The following MAGI2 variants were observed in gnomAD, a reference collection of about 807,000 sequenced individuals.
MAGI2 encodes the protein membrane-associated guanylate kinase, WW and PDZ domain-containing protein 2.
In MAGI2, 35 loss-of-function variants were observed where a neutral mutation model predicts 133.3. That is an observed-to-expected ratio of 0.26 (90% confidence interval 0.20 to 0.35). MAGI2 has a LOEUF of 0.35. MAGI2 is among the 10% of genes least tolerant of loss of function. The probability of loss-of-function intolerance (pLI) is 1.00; values close to 1 mark genes in which losing one functional copy is unlikely to be tolerated. For missense variants in MAGI2, 1,636 were observed against 1,863.4 expected, an observed-to-expected ratio of 0.88 and a Z score of 2.25; for synonymous variants, 729 against 710.6, an observed-to-expected ratio of 1.03 and a Z score of -0.41.
intron 1 of MAGI2, among the ~76,000 whole-genome samples, chr7:79,081,686 C>A (rs983822285): frequency 9.9e-5 from 15 of 151,976 alleles, no homozygotes; most frequent in African/African-American, 2.9e-4. Context: ...TCAAAATAGT[C>A]GTTTAGGGTG....
chr7:78,151,294 G>A (rs1168468124), intron 16 of MAGI2, among the ~76,000 whole-genome samples: 1 of 152,050 alleles, frequency 6.6e-6, no homozygotes, highest in Admixed American at 6.6e-5. Context: ...GAAATGGGTT[G>A]CTTTGTTAAT....
chr7:78,497,623 G>T (rs1306826408), intron 5 of MAGI2, among the ~76,000 whole-genome samples: 1 of 152,140 alleles, frequency 6.6e-6, no homozygotes, highest in Admixed American at 6.6e-5. Context: ...GGAATTGCTT[G>T]TTACCTTAAC....
At chr7:78,761,921 G>A (rs1824552235) in intron 2 of MAGI2, among the ~76,000 whole-genome samples, 1 of 152,108 alleles carries the variant, frequency 6.6e-6, no homozygotes, top group Admixed American at 6.5e-5. Flanking sequence ...TGGCTGGAGT[G>A]TGAAGGGGCA....
intron 10 of MAGI2, among the ~76,000 whole-genome samples, chr7:78,243,502 T>C (rs1791413872): frequency 6.6e-6 from 1 of 152,336 alleles, no homozygotes; most frequent in Non-Finnish European, 1.5e-5. Context: ...TTTTCTCTAT[T>C]ATGCTTTTTA....
intron 1 of MAGI2, chr7:79,177,018 C>T (rs1356349975): frequency 6.6e-6 from 1 of 151,982 alleles, no homozygotes; most frequent in Admixed American, 6.6e-5. Flanking sequence ...GCGATTGAAA[C>T]TTACTAACCC....
intron 6 of MAGI2, among the ~76,000 whole-genome samples, chr7:78,397,366 T>TACACACACAC (rs71085528): frequency 0.035 from 5,217 of 147,764 alleles, 170 homozygotes; most frequent in African/African-American, 0.077. Flanking sequence ...TTGAAATTCC[T>TACACACACAC]ACACACACAC....
intron 5 of MAGI2, among the ~76,000 whole-genome samples, chr7:78,501,051 G>A (rs192524965): frequency 1.4e-4 from 22 of 152,348 alleles, no homozygotes; most frequent in Admixed American, 2.6e-4. Flanking sequence ...TTGTGCCACT[G>A]CATTCTAGCC....
At chr7:79,252,677 A>G (rs570738480) in intron 1 of MAGI2, among the ~76,000 whole-genome samples, 1 of 152,320 alleles carries the variant, frequency 6.6e-6, no homozygotes, top group East Asian at 1.9e-4. Context: ...TTCATGTACT[A>G]TTACACGTTG....
At chr7:78,516,915 C>T (rs568822307) in intron 4 of MAGI2, among the ~76,000 whole-genome samples, 18 of 152,284 alleles carry the variant, frequency 1.2e-4, no homozygotes, top group Middle Eastern at 3.4e-3. Context: ...AGTAGAATTA[C>T]AGAAATCAGG....
At chr7:79,273,685 A>C (rs1258912302) in intron 1 of MAGI2, among the ~76,000 whole-genome samples, 6 of 150,150 alleles carry the variant, frequency 4.0e-5, no homozygotes, top group African/African-American at 1.2e-4. Flanking sequence ...TTTCTGCTTT[A>C]TGGAAGAAAA....
At chr7:78,339,889 T>G (rs879564693) in intron 9 of MAGI2, among the ~76,000 whole-genome samples, 1 of 152,190 alleles carries the variant, frequency 6.6e-6, no homozygotes, top group African/African-American at 2.4e-5. Flanking sequence ...ATATGCATTA[T>G]TACTCACAAA....
chr7:79,260,298 G>A (rs768565239), intron 1 of MAGI2, among the ~76,000 whole-genome samples: 48 of 152,138 alleles, frequency 3.2e-4, no homozygotes, highest in Non-Finnish European at 5.6e-4. Context: ...TGAGGCTGCA[G>A]TGAGCTGAGA....
Position 78,439,570 on chromosome 7 carries a change from A to G in MAGI2, c.1045+50191T>C, listed in dbSNP as rs549545999. ...AGAGTGAAGTCATGGAGGGCCCCAC[A>G]GCACACCACACATCACCAGGCAATA... is the stretch of plus-strand genomic sequence containing the variant. On this transcript the variant is annotated intron_variant, in intron 6 of 21. Coordinates refer to ENST00000354212, the MANE Select transcript of MAGI2 (RefSeq NM_012301.4). Among the ~76,000 whole-genome samples the G allele has an allele frequency of 2.6e-4, 39 of 152,296 alleles. No homozygotes were observed. The South Asian group carries it at 7.7e-3, about 30-fold the overall frequency.
intron 4 of MAGI2, among the ~76,000 whole-genome samples, chr7:78,510,954 G>A (rs1046472392): frequency 1.3e-5 from 2 of 152,138 alleles, no homozygotes; most frequent in African/African-American, 2.4e-5. Flanking sequence ...CCTCACTCTG[G>A]TTTCTGCTCA....
At chr7:78,382,201 A>G (rs1440576176) in intron 6 of MAGI2, among the ~76,000 whole-genome samples, 2 of 151,998 alleles carry the variant, frequency 1.3e-5, no homozygotes, top group Admixed American at 1.3e-4. Flanking sequence ...CGTTTTTTTT[A>G]AAAAAACACA....
At chr7:79,201,629 C>T (rs1828624146) in intron 1 of MAGI2, among the ~76,000 whole-genome samples, 1 of 151,900 alleles carries the variant, frequency 6.6e-6, no homozygotes, top group African/African-American at 2.4e-5. Flanking sequence ...TGCACAGCTG[C>T]ACATTACAAG....
intron 10 of MAGI2, among the ~76,000 whole-genome samples, chr7:78,205,467 T>A (rs4730118): frequency 0.074 from 11,270 of 152,226 alleles, 540 homozygotes; most frequent in Admixed American, 0.1. Flanking sequence ...AGAAATATGG[T>A]TGCCAGATAA....
At position 79,073,037 on chromosome 7, in the gene MAGI2, A is replaced by AAAC. The variant is rs926056311; in HGVS notation, c.302-65834_302-65832dup. The stretch of plus-strand genomic sequence containing the variant: ...GAGTCAAAAAGACAAAAACAAAAAC[A>AAAC]AACAACAACAACAACAAAAAAAACA... On this transcript the variant is annotated intron_variant, in intron 1 of 21. Transcript: ENST00000354212. 7.9e-5 allele frequency among the ~76,000 whole-genome samples: 12 copies of AAAC among 152,100 alleles called. No homozygotes were observed. The South Asian group carries it at 1.0e-3, about 13-fold the overall frequency.
At chr7:78,763,049 C>A (rs1005749032) in intron 2 of MAGI2, among the ~76,000 whole-genome samples, 11 of 152,172 alleles carry the variant, frequency 7.2e-5, no homozygotes, top group African/African-American at 2.4e-4. Context: ...GAGAAATGAA[C>A]AACTGATAAC....
Sources: gnomAD v4.1 joint callset for allele counts (sites outside exome capture counted in the v4.1 genomes callset) on GRCh38, gnomAD v4.1.1 for gene constraint, MANE v1.5 for transcripts, NCBI Gene and HGNC (gene_info 2026-07-23, HGNC 2026-07-21) for gene names.